The following SDK1 variants were observed in gnomAD, a reference collection of about 807,000 sequenced individuals.
The protein encoded by SDK1 is protein sidekick-1.
In SDK1, 157 loss-of-function variants were observed where a neutral mutation model predicts 245.5. The observed-to-expected ratio is 0.64, with a 90% CI of 0.56 to 0.73. The LOEUF (loss-of-function observed/expected upper bound fraction) is 0.73, where lower values mean the gene tolerates loss of function less well. SDK1 is among the 30% of genes least tolerant of loss of function. The pLI is 0.00. For missense variants in SDK1, 3,583 were observed against 3,002.3 expected (o/e 1.19, Z -4.52); for synonymous variants, 1,647 against 1,278.5 (o/e 1.29, Z -6.15).
chr7:4,174,246 G>A lies in SDK1; in HGVS notation c.4825G>A (p.Gly1609Ser), dbSNP rs190314623. Reference sequence around the variant, plus strand: ...GCCTCCGAGGGACGAAAGCCTGAATGGCCTTCTTCAGGGATACAGGATCTA... The same window carrying A: ...GCCTCCGAGGGACGAAAGCCTGAATAGCCTTCTTCAGGGATACAGGATCTA... ...WQPPRDESLNGLLQGYRIYYR... is the reference protein window; with the variant it reads ...WQPPRDESLNSLLQGYRIYYR... The change falls in exon 33 of 45, where the codon GGC (glycine) becomes AGC (serine). Residue 1609 changes from glycine to serine, a missense_variant. Gly to Ser is a moderately conservative substitution (Grantham distance 56, BLOSUM62 0). Coordinates refer to ENST00000404826, the MANE Select transcript of SDK1 (RefSeq NM_152744.4). The A allele has an allele frequency of 3.7e-6, 6 of 1,614,044 alleles. No individual in the cohort carries two copies. Among genetic ancestry groups the A allele is most frequent in the African/African-American group, 2.7e-5 (2 of 75,056 alleles).
chr7:4,014,691 G>A (rs1327260476), intron 16 of SDK1, among the ~76,000 whole-genome samples: 1 of 152,186 alleles, frequency 6.6e-6, no homozygotes, highest in African/African-American at 2.4e-5. Flanking sequence ...TTTGAGAGGA[G>A]CATAGGGGTT....
chr7:3,449,033 A>G (rs1016802672), intron 1 of SDK1, among the ~76,000 whole-genome samples: 13 of 152,226 alleles, frequency 8.5e-5, no homozygotes, highest in Admixed American at 5.2e-4. Flanking sequence ...TGTAAAAGCA[A>G]TAACATGTAA....
intron 1 of SDK1, among the ~76,000 whole-genome samples, chr7:3,396,926 GTTCC>G (rs1562461864): frequency 6.6e-6 from 1 of 151,208 alleles, no homozygotes; most frequent in African/African-American, 2.4e-5. Flanking sequence ...TATATTTTTT[GTTCC>G]TTCATTCCTC....
chr7:3,775,827 C>T (rs1024486647), intron 4 of SDK1, among the ~76,000 whole-genome samples: 62 of 152,124 alleles, frequency 4.1e-4, no homozygotes, highest in Non-Finnish European at 6.6e-4. Flanking sequence ...CCACCCGCCT[C>T]GGCCTCCCAA....
chr7:3,899,152 C>CT (rs1273135271), intron 5 of SDK1, among the ~76,000 whole-genome samples: 1 of 152,188 alleles, frequency 6.6e-6, no homozygotes, highest in Non-Finnish European at 1.5e-5. Context: ...TGAGAATTGT[C>CT]TTTGGAAAGC....
chr7:3,717,171 A>T (rs1562392431), intron 4 of SDK1, among the ~76,000 whole-genome samples: 1 of 152,246 alleles, frequency 6.6e-6, no homozygotes, highest in African/African-American at 2.4e-5. Context: ...AATTAGAGGA[A>T]CTAATTGACC....
intron 5 of SDK1, among the ~76,000 whole-genome samples, chr7:3,933,295 T>C (rs943539475): frequency 2.0e-5 from 3 of 152,054 alleles, no homozygotes; most frequent in South Asian, 4.1e-4. Flanking sequence ...AAAATGTTTC[T>C]AGATACAGAG....
chr7:3,522,113 C>T (rs1426768085), intron 1 of SDK1, among the ~76,000 whole-genome samples: 1 of 147,376 alleles, frequency 6.8e-6, no homozygotes, highest in Admixed American at 6.9e-5. Context: ...TCATTAACTC[C>T]TTCATTCACC....
At chr7:3,882,325 C>G (rs1781228011) in intron 5 of SDK1, among the ~76,000 whole-genome samples, 1 of 152,188 alleles carries the variant, frequency 6.6e-6, no homozygotes, top group African/African-American at 2.4e-5. Flanking sequence ...AAATGCCTTT[C>G]ACTCCTGAGA....
intron 4 of SDK1, among the ~76,000 whole-genome samples, chr7:3,694,646 A>G (rs1389521058): frequency 6.6e-6 from 1 of 152,150 alleles, no homozygotes; most frequent in Admixed American, 6.5e-5. Flanking sequence ...ATTCCCTGGA[A>G]AACAATGCCA....
chr7:4,064,049 C>G (rs914055663), intron 19 of SDK1, among the ~76,000 whole-genome samples: 2 of 152,098 alleles, frequency 1.3e-5, no homozygotes, highest in Admixed American at 1.3e-4. Context: ...ATCTCAAAAG[C>G]ACAGGCAACA....
At chr7:3,605,784 A>G (rs552089729) in intron 1 of SDK1, among the ~76,000 whole-genome samples, 60 of 152,204 alleles carry the variant, frequency 3.9e-4, no homozygotes, top group African/African-American at 1.3e-3. Flanking sequence ...GGTGATTTCT[A>G]TTTTTAGGTT....
chr7:3,916,634 C>T (rs1233911037), intron 5 of SDK1, among the ~76,000 whole-genome samples: 3 of 152,172 alleles, frequency 2.0e-5, no homozygotes, highest in Admixed American at 6.5e-5. Context: ...TTTCTGTTTG[C>T]CTGTACTTTG....
chr7:3,417,381 C>A (rs1007916721), intron 1 of SDK1, among the ~76,000 whole-genome samples: 6 of 152,182 alleles, frequency 3.9e-5, no homozygotes, highest in African/African-American at 1.2e-4. Flanking sequence ...CATCTTAGTT[C>A]TCAAGTTTGC....
chr7:4,218,448 A>G (rs1240447566), intron 38 of SDK1, among the ~76,000 whole-genome samples: 1 of 152,230 alleles, frequency 6.6e-6, no homozygotes, highest in Non-Finnish European at 1.5e-5. Context: ...AATTTAGCTG[A>G]ATATATGTTT....
rs117085344 is a variant in SDK1, at chr7:3,576,928, G to A, written c.299-42152G>A. Among the ~76,000 whole-genome samples the A allele has an allele frequency of 2.4e-3, 370 of 152,062 alleles. 7 individuals carry two copies. The highest frequency in any genetic ancestry group is 0.018 in the South Asian group (85 of 4,808). On this transcript the variant is annotated intron_variant, in intron 1 of 44. Transcript: ENST00000404826. ...CAGTTTAGTTTCCTCATAGCTGGTC[G>A]GGCACCTGAAGAAATAGTAGACTTT...
chr7:4,060,685 CT>C, intron 19 of SDK1, among the ~76,000 whole-genome samples: 1 of 152,114 alleles, frequency 6.6e-6, no homozygotes, highest in Admixed American at 6.5e-5. Context: ...GTTGCCATTG[CT>C]TTTGGTGTTT....
chr7:4,040,807 A>G (rs1218999666), intron 17 of SDK1, among the ~76,000 whole-genome samples: 1 of 152,186 alleles, frequency 6.6e-6, no homozygotes, highest in South Asian at 2.1e-4. Flanking sequence ...CTGCATTTTT[A>G]CTGTACACGT....
At chr7:3,890,725 T>C (rs2128101655) in intron 5 of SDK1, among the ~76,000 whole-genome samples, 1 of 152,140 alleles carries the variant, frequency 6.6e-6, no homozygotes, top group Middle Eastern at 3.4e-3. Context: ...TCGGATCACC[T>C]GAGGTCAGGA....
Sources: gnomAD v4.1 joint callset for allele counts (sites outside exome capture counted in the v4.1 genomes callset) on GRCh38, gnomAD v4.1.1 for gene constraint, MANE v1.5 for transcripts, NCBI Gene and HGNC (gene_info 2026-07-23, HGNC 2026-07-21) for gene names.